The following NEK6 variants were observed in gnomAD, a reference collection of about 807,000 sequenced individuals.
NEK6 encodes the protein serine/threonine-protein kinase Nek6.
NEK6 carries 27 observed loss-of-function variants against 43.5 expected under a neutral mutation model. The ratio of observed to expected loss-of-function variants is 0.62; its 90% CI spans 0.46 to 0.86. NEK6 has a LOEUF of 0.86. Ranked by LOEUF, NEK6 falls within the 40% of genes least tolerant of loss-of-function variation. The pLI is 0.00. For synonymous variants in NEK6, 167 were observed against 164.1 expected (o/e 1.02, Z -0.14); for missense variants, 318 against 414.4 (o/e 0.77, Z 2.02).
intron 3 of NEK6, among the ~76,000 whole-genome samples, chr9:124,313,573 G>A (rs1337566018): frequency 6.6e-6 from 1 of 152,120 alleles, no homozygotes; most frequent in Non-Finnish European, 1.5e-5. Context: ...TCACCATGTT[G>A]GCCAGGCTGG....
At chr9:124,333,570 C>T (rs963528328) in intron 7 of NEK6, among the ~76,000 whole-genome samples, 2 of 152,136 alleles carry the variant, frequency 1.3e-5, no homozygotes, top group African/African-American at 2.4e-5. Context: ...GCTCACCGAG[C>T]GTCTGAAAGA....
chr9:124,303,000 C>G (rs573961145), intron 2 of NEK6, among the ~76,000 whole-genome samples: 1 of 152,338 alleles, frequency 6.6e-6, no homozygotes, highest in East Asian at 1.9e-4. Context: ...TCTGCTCTTA[C>G]GGAGCACACA....
chr9:124,285,292 G>T (rs941914552), intron 1 of NEK6, among the ~76,000 whole-genome samples: 1 of 152,118 alleles, frequency 6.6e-6, no homozygotes, highest in Non-Finnish European at 1.5e-5. Context: ...TGGTAGCACC[G>T]TTTCCACAGA....
At chr9:124,344,851 G>A (rs527715273) in intron 8 of NEK6, among the ~76,000 whole-genome samples, 3 of 152,212 alleles carry the variant, frequency 2.0e-5, no homozygotes, top group African/African-American at 7.2e-5. Context: ...TGGCCGGGAC[G>A]CCGCTTTGGA....
Position 124,334,277 on chromosome 9 carries a change from T to TTGGA in NEK6, c.623-5277_623-5274dup, listed in dbSNP as rs1409768194. 2.6e-5 allele frequency among the ~76,000 whole-genome samples: 4 copies of TTGGA among 151,204 alleles called. No homozygotes were observed. In the South Asian group the frequency reaches 6.3e-4, roughly 24 times the overall value. On this transcript the variant is annotated intron_variant, in intron 7 of 9. Transcript: ENST00000320246. The stretch of plus-strand genomic sequence containing the variant: ...AGACTGATGGATGAATGAATGGGGG[T>TTGGA]TGGATGGATGGATGGATGGACGATA...
At chr9:124,341,967 A>C (rs1026386145) in intron 8 of NEK6, among the ~76,000 whole-genome samples, 2 of 151,894 alleles carry the variant, frequency 1.3e-5, no homozygotes, top group Admixed American at 1.3e-4. Context: ...GGGTGTGGAG[A>C]GTTGTTGAGT....
At chr9:124,305,143 G>A (rs1056347564) in intron 2 of NEK6, among the ~76,000 whole-genome samples, 6 of 152,248 alleles carry the variant, frequency 3.9e-5, no homozygotes, top group African/African-American at 1.4e-4. Context: ...CTTCGCAGGG[G>A]ATTGGGTCAG....
At chr9:124,292,266 T>G (rs1380586621) in intron 1 of NEK6, among the ~76,000 whole-genome samples, 3 of 152,162 alleles carry the variant, frequency 2.0e-5, no homozygotes, top group African/African-American at 7.2e-5. Context: ...GGCTGCCCAT[T>G]CAGCCAGTCC....
chr9:124,311,070 C>T (rs1833502521), intron 2 of NEK6, among the ~76,000 whole-genome samples: 1 of 152,184 alleles, frequency 6.6e-6, no homozygotes, highest in Non-Finnish European at 1.5e-5. Context: ...GAGACGTGCC[C>T]CTGCTCCGCA....
intron 4 of NEK6, among the ~76,000 whole-genome samples, chr9:124,314,472 AGTGGTGGTG>A (rs764779237): frequency 6.9e-5 from 10 of 144,550 alleles, no homozygotes; most frequent in African/African-American, 2.0e-4. Context: ...TTTTGTTGGT[AGTGGTGGTG>A]GTGGTGGTGG....
intron 1 of NEK6, among the ~76,000 whole-genome samples, chr9:124,282,826 T>G (rs975049827): frequency 4.2e-4 from 64 of 152,376 alleles, no homozygotes; most frequent in African/African-American, 1.5e-3. Flanking sequence ...CCAGGACCAC[T>G]GAGGGCTGAG....
chr9:124,272,607 C>CT (rs1461224419), intron 1 of NEK6, among the ~76,000 whole-genome samples: 2 of 152,348 alleles, frequency 1.3e-5, no homozygotes, highest in East Asian at 1.9e-4. Context: ...TTCAAGGTGT[C>CT]TTTGAGAAAT....
chr9:124,307,178 A>G (rs1335333669), intron 2 of NEK6, among the ~76,000 whole-genome samples: 1 of 151,886 alleles, frequency 6.6e-6, no homozygotes, highest in Non-Finnish European at 1.5e-5. Flanking sequence ...TGGTTCAAAC[A>G]TTTTAAACTC....
chr9:124,297,105 C>T (rs1832732296), intron 1 of NEK6, among the ~76,000 whole-genome samples: 1 of 152,312 alleles, frequency 6.6e-6, no homozygotes, highest in East Asian at 1.9e-4. Context: ...CCTAAAGAGG[C>T]CATGCTGCGT....
chr9:124,319,907 T>C (rs1462792963), intron 4 of NEK6, among the ~76,000 whole-genome samples: 1 of 152,220 alleles, frequency 6.6e-6, no homozygotes, highest in Admixed American at 6.5e-5. Context: ...TGCTTAGGAT[T>C]GCTTTGTGTG....
At chr9:124,323,898 C>T (rs994759141) in intron 5 of NEK6, among the ~76,000 whole-genome samples, 1 of 152,198 alleles carries the variant, frequency 6.6e-6, no homozygotes, top group African/African-American at 2.4e-5. Flanking sequence ...GCTCAGGGTT[C>T]AAGTCAGTCA....
Position 124,338,326 on chromosome 9 carries a change from C to CCT in NEK6, c.623-1243_623-1242dup, listed in dbSNP as rs146370129. On this transcript the variant is annotated intron_variant, in intron 7 of 9. Transcript: ENST00000320246. ...CCCTGATGAGTAGTAAGAAAAGTAG[C>CCT]CTCACTTCATGTGCTTCTTGGCCAC... 7.2e-5 allele frequency among the ~76,000 whole-genome samples: 11 copies of CCT among 152,310 alleles called. No homozygotes were observed. The East Asian group carries it at 2.1e-3, about 29-fold the overall frequency.
chr9:124,308,142 G>A (rs1025344269), intron 2 of NEK6, among the ~76,000 whole-genome samples: 2 of 152,218 alleles, frequency 1.3e-5, no homozygotes, highest in African/African-American at 4.8e-5. Flanking sequence ...AGAGGAAACT[G>A]AGGCCCAGAA....
In NEK6 at chr9:124,326,902, A is replaced by G. The variant is rs1299160042; in HGVS notation, c.515-436A>G. ...GCTTCATGGACACCTCCGTTCCTTC[A>G]CTCTACCTGTATCTCTTGGTGTCTG... On this transcript the variant is annotated intron_variant, in intron 6 of 9. Transcript: ENST00000320246. The surrounding 1 kb of genome is among the most constrained non-coding windows in gnomAD (Gnocchi z 4.5). Among the ~76,000 whole-genome samples, 1 of 150,482 alleles carries G rather than the reference A, an allele frequency of 6.6e-6. No homozygotes were observed. The highest frequency in any genetic ancestry group is 1.5e-5 in the Non-Finnish European group (1 of 67,580).
Sources: allele counts gnomAD v4.1 joint callset (sites outside exome capture counted in the v4.1 genomes callset), GRCh38; gene constraint gnomAD v4.1.1; non-coding constraint Gnocchi (gnomAD v3.1); transcripts MANE v1.5; gene names NCBI Gene and HGNC (gene_info 2026-07-23, HGNC 2026-07-21).